SLC4A10: variants seen among roughly 807,000 people sequenced by gnomAD.
The protein encoded by SLC4A10 is sodium-driven chloride bicarbonate exchanger.
In SLC4A10, 42 loss-of-function variants were observed where a neutral mutation model predicts 137.7. The observed-to-expected ratio is 0.30, with a 90% CI of 0.24 to 0.39. SLC4A10 has a LOEUF of 0.39. Among genes scored for constraint, SLC4A10 ranks in the 10% least tolerant of loss-of-function variants. The pLI is 1.00. For missense variants in SLC4A10, 925 were observed against 1,355.0 expected (o/e 0.68, Z 4.98); for synonymous variants, 474 against 464.1 (o/e 1.02, Z -0.27).
At chr2:161,927,013 T>C (rs1689274988) in intron 15 of SLC4A10, among the ~76,000 whole-genome samples, 1 of 152,126 alleles carries the variant, frequency 6.6e-6, no homozygotes, top group South Asian at 2.1e-4. Context: ...ATTTCAACTT[T>C]GGTGAATCTG....
chr2:161,863,577 T>C (rs1037041733), intron 6 of SLC4A10, among the ~76,000 whole-genome samples: 9 of 152,232 alleles, frequency 5.9e-5, no homozygotes, highest in Non-Finnish European at 1.2e-4. Flanking sequence ...ACATACATTA[T>C]GGCTGATTCC....
At position 161,731,285 on chromosome 2, in the gene SLC4A10, A is replaced by T. The variant is rs531566786; in HGVS notation, c.49-39688A>T. 5.4e-3 allele frequency among the ~76,000 whole-genome samples: 819 copies of T among 152,216 alleles called. 2 individuals carry two copies. Among genetic ancestry groups the T allele is most frequent in the Non-Finnish European group, 6.6e-3 (449 of 67,970 alleles). On this transcript the variant is annotated intron_variant, in intron 1 of 26. Transcript: ENST00000446997. ...TTTGAATATTTTCCTCTATTTTTTT[A>T]TAATGCTTGTTAAAATGTTATATTT...
In SLC4A10 at chr2:161,707,512, T is replaced by G. The variant is rs185702903; in HGVS notation, c.49-63461T>G. Among the ~76,000 whole-genome samples, 535 of 151,474 alleles carry G rather than the reference T, an allele frequency of 3.5e-3. 3 individuals carry two copies. The highest frequency in any genetic ancestry group is 0.012 in the African/African-American group (505 of 41,490). ...TCTTTAGTTATAAAACACAACCTTT[T>G]GTCACACGGTAAAGAGAAAGCATTT... On this transcript the variant is annotated intron_variant, in intron 1 of 26. Coordinates refer to ENST00000446997, the MANE Select transcript of SLC4A10 (RefSeq NM_001178015.2).
intron 12 of SLC4A10, 31 bp from the exon 13 acceptor site, chr2:161,903,973 T>C: frequency 1.0e-5 from 16 of 1,529,382 alleles, no homozygotes; most frequent in Non-Finnish European, 1.4e-5. Flanking sequence ...TATATTTGGG[T>C]TTCACTATTG....
intron 26 of SLC4A10, among the ~76,000 whole-genome samples, chr2:161,982,142 A>G (rs545751113): frequency 1.6e-4 from 25 of 152,300 alleles, no homozygotes; most frequent in Non-Finnish European, 1.3e-4. Context: ...ATAAATTTAT[A>G]TTAAGGGCCG....
intron 15 of SLC4A10, 29 bp downstream of exon 15, chr2:161,905,916 G>T (rs753611965): frequency 1.3e-5 from 20 of 1,547,692 alleles, no homozygotes; most frequent in Non-Finnish European, 1.7e-5. Flanking sequence ...GCTGGCCTTG[G>T]GGCTTTTCTT....
chr2:161,749,554 A>G, intron 1 of SLC4A10, among the ~76,000 whole-genome samples: 1 of 151,894 alleles, frequency 6.6e-6, no homozygotes, highest in Admixed American at 6.6e-5. Context: ...GTGATATATC[A>G]CATTGATTTA....
chr2:161,897,835 G>C (rs1166836907), intron 11 of SLC4A10, among the ~76,000 whole-genome samples: 1 of 152,028 alleles, frequency 6.6e-6, no homozygotes, highest in African/African-American at 2.4e-5. Context: ...AATGTTATTT[G>C]GAGAAATGCA....
chr2:161,727,468 A>C (rs913165226), intron 1 of SLC4A10, among the ~76,000 whole-genome samples: 8 of 152,232 alleles, frequency 5.3e-5, no homozygotes, highest in African/African-American at 1.9e-4. Context: ...AAAAGATAGA[A>C]GCCAATACAT....
At chr2:161,731,191 A>C (rs547974282) in intron 1 of SLC4A10, among the ~76,000 whole-genome samples, 1 of 152,236 alleles carries the variant, frequency 6.6e-6, no homozygotes, top group East Asian at 1.9e-4. Context: ...ATTAAATGAG[A>C]ATCTCTTTTT....
At chr2:161,964,441 G>C (rs764105867) in intron 22 of SLC4A10, 133 bp downstream of exon 22, 29 of 967,126 alleles carry the variant, frequency 3.0e-5, no homozygotes, top group Non-Finnish European at 4.3e-5. Flanking sequence ...TTTTGGCACT[G>C]AAAGTGTGAC....
At chr2:161,708,923 T>C in intron 1 of SLC4A10, 1 of 1,354,016 alleles carries the variant, frequency 7.4e-7, no homozygotes. Context: ...TTAATGTAAT[T>C]GTTTATTGTC....
intron 1 of SLC4A10, among the ~76,000 whole-genome samples, chr2:161,627,666 T>A (rs1332886536): frequency 2.0e-5 from 3 of 152,160 alleles, no homozygotes; most frequent in African/African-American, 7.2e-5. Context: ...TCAGTGATAA[T>A]TTCCTTTTGC....
intron 1 of SLC4A10, among the ~76,000 whole-genome samples, chr2:161,700,603 T>A (rs919613784): frequency 6.6e-6 from 1 of 152,150 alleles, no homozygotes; most frequent in African/African-American, 2.4e-5. Flanking sequence ...GATTGCCTTA[T>A]GTATACTGTC....
At chr2:161,795,363 G>A (rs1396649989) in intron 2 of SLC4A10, among the ~76,000 whole-genome samples, 1 of 152,024 alleles carries the variant, frequency 6.6e-6, no homozygotes, top group East Asian at 1.9e-4. Flanking sequence ...TGGCTTTGGG[G>A]CAATTGCTTT....
intron 1 of SLC4A10, among the ~76,000 whole-genome samples, chr2:161,728,679 A>G (rs2046496685): frequency 6.6e-6 from 1 of 152,214 alleles, no homozygotes; most frequent in Non-Finnish European, 1.5e-5. Context: ...AAAATAGAAG[A>G]CAAAAAAGAC....
chr2:161,626,527 A>G (rs1233093287), intron 1 of SLC4A10, among the ~76,000 whole-genome samples: 1 of 152,176 alleles, frequency 6.6e-6, no homozygotes, highest in East Asian at 1.9e-4. Context: ...TTAGCAGATC[A>G]TCACAAGAAA....
At chr2:161,649,049 G>A (rs576071511) in intron 1 of SLC4A10, among the ~76,000 whole-genome samples, 16 of 152,060 alleles carry the variant, frequency 1.1e-4, no homozygotes, top group South Asian at 2.1e-4. Flanking sequence ...TTTTTAACTC[G>A]TCCTTTCTCC....
chr2:161,859,598 T>G (rs1158012230), intron 5 of SLC4A10, among the ~76,000 whole-genome samples: 3 of 114,692 alleles, frequency 2.6e-5, no homozygotes, highest in Admixed American at 2.5e-4. Flanking sequence ...TCTTTTCTTT[T>G]TTTTTTTTTT....
Sources: allele counts gnomAD v4.1 joint callset (sites outside exome capture counted in the v4.1 genomes callset), GRCh38; gene constraint gnomAD v4.1.1; transcripts MANE v1.5; gene names NCBI Gene and HGNC (gene_info 2026-07-23, HGNC 2026-07-21).